The following FREM3 variants were observed in gnomAD, a reference collection of about 807,000 sequenced individuals.
FREM3 encodes FRAS1 related extracellular matrix 3.
Under a neutral mutation model 129.1 loss-of-function variants are expected in FREM3, and 105 were observed. The ratio of observed to expected loss-of-function variants is 0.81; its 90% CI spans 0.69 to 0.96. The LOEUF (loss-of-function observed/expected upper bound fraction) is 0.96, where lower values mean the gene tolerates loss of function less well. Ranked by LOEUF, FREM3 falls within the 40% of genes least tolerant of loss-of-function variation. The pLI is 0.00. For missense variants in FREM3, 2,593 were observed against 2,666.3 expected, an observed-to-expected ratio of 0.97 and a Z score of 0.61; for synonymous variants, 1,014 against 1,044.9, an observed-to-expected ratio of 0.97 and a Z score of 0.57.
intron 2 of FREM3, among the ~76,000 whole-genome samples, chr4:143,628,814 A>G (rs1316778600): frequency 6.6e-6 from 1 of 152,156 alleles, no homozygotes; most frequent in Non-Finnish European, 1.5e-5. Context: ...AGAGCTTGAC[A>G]TCTCCTTCTA....
intron 2 of FREM3, among the ~76,000 whole-genome samples, chr4:143,684,561 C>T (rs571378753): frequency 6.6e-6 from 1 of 152,288 alleles, no homozygotes; most frequent in Non-Finnish European, 1.5e-5. Context: ...GAGAAGGAAC[C>T]AGAAAACCAA....
rs1278842971 is a variant in FREM3 at position 143,653,678 on chromosome 4, T to A, written c.5276-25918A>T. Among the ~76,000 whole-genome samples, 6 of 152,336 alleles carry A rather than the reference T, an allele frequency of 3.9e-5. No individual in the cohort carries two copies. In the East Asian group the frequency reaches 1.2e-3, roughly 29 times the overall value. On this transcript the variant is annotated intron_variant, in intron 2 of 7. Coordinates refer to ENST00000329798, the MANE Select transcript of FREM3 (RefSeq NM_001168235.2). ...TTATACAAGAAGTGTACATGGGGCT[T>A]ATCTTAACATTTTGACCCCATTGTT...
chr4:143,699,035 A>T lies in FREM3; in HGVS notation c.1641T>A (p.Asn547Lys). 1 of 1,537,360 alleles carries T rather than the reference A, an allele frequency of 6.5e-7. No individual in the cohort carries two copies. The highest frequency in any genetic ancestry group is 8.7e-7 in the Non-Finnish European group (1 of 1,146,932). Residue 547 changes from asparagine to lysine, a missense_variant, in exon 1 of 8, where the codon AAT (asparagine) becomes AAA (lysine). This residue lies in a region of FREM3 where 2,276 missense variants were observed against 2,267.2 expected (regional missense o/e 1.00). Transcript: ENST00000329798. The surrounding 1 kb of genome is among the most constrained non-coding windows in gnomAD (Gnocchi z 4.2). ...LPVDDEPPMVNTNTGLSLTEG... is the reference protein window; with the variant it reads ...LPVDDEPPMVKTNTGLSLTEG... The stretch of plus-strand genomic sequence containing the variant: ...CAGTGAGTGAGAGTCCTGTGTTAGT[A>T]TTGACCATTGGTGGTTCATCATCCA...
chr4:143,645,808 G>A (rs1006719037), intron 2 of FREM3, among the ~76,000 whole-genome samples: 1 of 152,108 alleles, frequency 6.6e-6, no homozygotes, highest in African/African-American at 2.4e-5. Context: ...ATCCCAACTA[G>A]TATAGCTACT....
intron 2 of FREM3, among the ~76,000 whole-genome samples, chr4:143,633,489 A>C (rs189327230): frequency 2.0e-4 from 31 of 152,254 alleles, no homozygotes; most frequent in Non-Finnish European, 2.9e-4. Flanking sequence ...CTAAGTGTTG[A>C]GGATAGAACA....
intron 2 of FREM3, among the ~76,000 whole-genome samples, chr4:143,674,595 G>T (rs1740070389): frequency 2.0e-5 from 3 of 152,180 alleles, no homozygotes; most frequent in African/African-American, 2.4e-5. Flanking sequence ...ACACAGACTG[G>T]CAGATTGGAT....
intron 7 of FREM3, among the ~76,000 whole-genome samples, chr4:143,579,360 C>T (rs985610706): frequency 6.6e-6 from 1 of 151,978 alleles, no homozygotes; most frequent in Admixed American, 6.6e-5. Flanking sequence ...GGCTGAGGCT[C>T]AAGAATCAAT....
At chr4:143,693,235 A>AATATGAC in intron 1 of FREM3, 33 bp from the exon 2 acceptor site, 3 of 1,128,982 alleles carry the variant, frequency 2.7e-6, no homozygotes, top group Non-Finnish European at 3.7e-6. Context: ...ACAAAGTCAT[A>AATATGAC]TTGGCACAAA....
At chr4:143,673,076 C>T (rs970682615) in intron 2 of FREM3, among the ~76,000 whole-genome samples, 1 of 152,204 alleles carries the variant, frequency 6.6e-6, no homozygotes, top group Non-Finnish European at 1.5e-5. Context: ...TCGTCTGAAG[C>T]CTTCTTCTCT....
chr4:143,677,299 A>G (rs1389716447), intron 2 of FREM3, among the ~76,000 whole-genome samples: 2 of 152,156 alleles, frequency 1.3e-5, no homozygotes, highest in Non-Finnish European at 1.5e-5. Flanking sequence ...GGGAAAGGAT[A>G]CCCTATTTAA....
At chr4:143,635,131 A>G (rs1295316338) in intron 2 of FREM3, among the ~76,000 whole-genome samples, 1 of 152,146 alleles carries the variant, frequency 6.6e-6, no homozygotes, top group Non-Finnish European at 1.5e-5. Context: ...TGAGGGAGAC[A>G]CTGTAGAAAA....
At chr4:143,656,887 A>T (rs1739611237) in intron 2 of FREM3, among the ~76,000 whole-genome samples, 1 of 152,086 alleles carries the variant, frequency 6.6e-6, no homozygotes, top group Admixed American at 6.5e-5. Context: ...ATTTTATTTT[A>T]AAAAAACAAA....
rs544009698 is a variant in FREM3 at position 143,588,870 on chromosome 4, A to G, written c.6029-2877T>C. Among the ~76,000 whole-genome samples the G allele has an allele frequency of 2.6e-3, 396 of 150,264 alleles. 5 individuals are homozygous for G. Among genetic ancestry groups the G allele is most frequent in the African/African-American group, 8.6e-3 (349 of 40,494 alleles). On this transcript the variant is annotated intron_variant, in intron 6 of 7. Transcript: ENST00000329798. ...TTTACAGTCCCACCAACAGGGTAAA[A>G]GTGTTCCTATTTCTCCACATCCTCT... is the stretch of plus-strand genomic sequence containing the variant.
chr4:143,596,510 G>A (rs1401636391), intron 6 of FREM3, among the ~76,000 whole-genome samples: 1 of 152,182 alleles, frequency 6.6e-6, no homozygotes, highest in Non-Finnish European at 1.5e-5. Flanking sequence ...TGGGAATAAA[G>A]CAGGTGGAAC....
chr4:143,668,385 A>G (rs1739902436), intron 2 of FREM3, among the ~76,000 whole-genome samples: 1 of 152,240 alleles, frequency 6.6e-6, no homozygotes, highest in Non-Finnish European at 1.5e-5. Flanking sequence ...ACTGCATAAC[A>G]ATACATTCCT....
intron 2 of FREM3, among the ~76,000 whole-genome samples, chr4:143,683,336 C>T (rs1578868106): frequency 6.6e-6 from 1 of 152,152 alleles, no homozygotes; most frequent in South Asian, 2.1e-4. Context: ...TGGGAGAGTC[C>T]CCCCCAAACT....
At chr4:143,637,655 C>T (rs567705196) in intron 2 of FREM3, among the ~76,000 whole-genome samples, 1 of 152,158 alleles carries the variant, frequency 6.6e-6, no homozygotes, top group Admixed American at 6.5e-5. Flanking sequence ...ATTACAGGCT[C>T]ATATCCATTC....
rs532978144 is a variant in FREM3 at position 143,638,942 on chromosome 4, C to T, written c.5276-11182G>A. ...TAGTATCACTTATTTCATAGTCGAT[C>T]TTGTGATTGCTGTGTGAAATAATTT... On this transcript the variant is annotated intron_variant, in intron 2 of 7. Coordinates refer to ENST00000329798, the MANE Select transcript of FREM3 (RefSeq NM_001168235.2). Among the ~76,000 whole-genome samples, 7 of 152,174 alleles carry T rather than the reference C, an allele frequency of 4.6e-5. No homozygotes were observed. The South Asian group carries it at 1.5e-3, about 32-fold the overall frequency.
intron 2 of FREM3, among the ~76,000 whole-genome samples, chr4:143,677,945 CT>C (rs1740175568): frequency 6.6e-6 from 1 of 152,192 alleles, no homozygotes; most frequent in African/African-American, 2.4e-5. Flanking sequence ...GTTGGTGGGA[CT>C]GTAAACTAGT....
Sources: gnomAD v4.1 joint callset for allele counts (sites outside exome capture counted in the v4.1 genomes callset) on GRCh38, gnomAD v4.1.1 for gene constraint, gnomAD v4.1.1 regional missense constraint, Gnocchi (gnomAD v3.1) non-coding constraint, MANE v1.5 for transcripts, NCBI Gene and HGNC (gene_info 2026-07-23, HGNC 2026-07-21) for gene names.